The following AKT3 variants were observed in gnomAD, a reference collection of about 807,000 sequenced individuals.
AKT3 encodes the protein AKT serine/threonine kinase 3.
Under a neutral mutation model 65.3 loss-of-function variants are expected in AKT3, and 15 were observed. The observed-to-expected ratio is 0.23, with a 90% CI of 0.15 to 0.35. The LOEUF is 0.35. Among genes scored for constraint, AKT3 ranks in the 10% least tolerant of loss-of-function variants. The probability of loss-of-function intolerance (pLI) is 1.00; values close to 1 mark genes in which losing one functional copy is unlikely to be tolerated. For missense variants in AKT3, 243 were observed against 576.5 expected (o/e 0.42, Z 5.92); for synonymous variants, 206 against 183.8 (o/e 1.12, Z -0.98).
chr1:243,808,460 CGAGAA>C (rs1435065940), intron 2 of AKT3, among the ~76,000 whole-genome samples: 1 of 151,806 alleles, frequency 6.6e-6, no homozygotes, highest in South Asian at 2.1e-4. Flanking sequence ...TGAAATGAAG[CGAGAA>C]GAGAAGTTTA....
intron 2 of AKT3, among the ~76,000 whole-genome samples, chr1:243,788,190 G>A (rs556982560): frequency 1.3e-5 from 2 of 152,120 alleles, no homozygotes; most frequent in African/African-American, 4.8e-5. Context: ...TTGAAGGCAG[G>A]GAATATAGCT....
At chr1:243,839,870 A>G (rs1695134918) in intron 2 of AKT3, among the ~76,000 whole-genome samples, 1 of 151,602 alleles carries the variant, frequency 6.6e-6, no homozygotes, top group Admixed American at 6.6e-5. Context: ...CCATCTCAAA[A>G]AAAAAAAAAA....
chr1:243,741,906 ATTCC>A (rs781741300), intron 2 of AKT3: 2 of 152,170 alleles, frequency 1.3e-5, no homozygotes, highest in Admixed American at 6.5e-5. Context: ...CAATATTTTT[ATTCC>A]AATTAGACTA....
At chr1:243,586,050 A>C (rs1330314312) in intron 8 of AKT3, among the ~76,000 whole-genome samples, 1 of 152,202 alleles carries the variant, frequency 6.6e-6, no homozygotes, top group African/African-American at 2.4e-5. Context: ...CAAGTAACCC[A>C]ATAAAAAATG....
In AKT3 at chr1:243,762,653, T is replaced by C. The variant is rs76938173; in HGVS notation, c.47-66937A>G. Reference sequence around the variant, plus strand: ...TATGTGAATGGTTAAAACATTGACCTAAGCACATCTGGCAACACAATTTAT... The same window carrying C: ...TATGTGAATGGTTAAAACATTGACCCAAGCACATCTGGCAACACAATTTAT... On this transcript the variant is annotated intron_variant, in intron 2 of 13. Coordinates refer to ENST00000673466, the MANE Select transcript of AKT3 (RefSeq NM_005465.7). Among the ~76,000 whole-genome samples, 231 of 152,218 alleles carry C rather than the reference T, an allele frequency of 1.5e-3. 4 individuals carry two copies. In the East Asian group the frequency reaches 0.035, roughly 23 times the overall value.
intron 12 of AKT3, among the ~76,000 whole-genome samples, chr1:243,525,775 G>GAAAGAAAGAAAC (rs1202544542): frequency 3.9e-4 from 1 of 2,532 alleles, no homozygotes; most frequent in Non-Finnish European, 7.8e-4. Flanking sequence ...AAGTAAGAAA[G>GAAAGAAAGAAAC]AAAGAAAGAA....
chr1:243,831,393 A>C (rs1393223096), intron 2 of AKT3, among the ~76,000 whole-genome samples: 1 of 152,216 alleles, frequency 6.6e-6, no homozygotes, highest in African/African-American at 2.4e-5. Flanking sequence ...CTAATTTTGT[A>C]AGACCATGAT....
chr1:243,740,557 G>C (rs185556997), intron 2 of AKT3, among the ~76,000 whole-genome samples: 65 of 152,242 alleles, frequency 4.3e-4, no homozygotes, highest in African/African-American at 1.5e-3. Flanking sequence ...ACTACAAAAG[G>C]CTGATGCCTA....
intron 13 of AKT3, chr1:243,489,103 A>G (rs1367234572): frequency 1.2e-6 from 2 of 1,613,092 alleles, no homozygotes; most frequent in Non-Finnish European, 8.5e-7. Context: ...CTGGAGAGGC[A>G]GAGCCTGTCG....
intron 2 of AKT3, among the ~76,000 whole-genome samples, chr1:243,804,858 A>AC (rs1041186657): frequency 3.2e-4 from 48 of 151,910 alleles, no homozygotes; most frequent in African/African-American, 7.5e-4. Flanking sequence ...AAAAAAAAAA[A>AC]CAAACAAAAA....
chr1:243,566,344 C>G (rs760923260), intron 9 of AKT3, among the ~76,000 whole-genome samples: 2 of 152,106 alleles, frequency 1.3e-5, no homozygotes, highest in Non-Finnish European at 2.9e-5. Context: ...GTGACCAACT[C>G]CCAGTTTGCC....
chr1:243,711,423 T>C (rs781242729), intron 2 of AKT3, among the ~76,000 whole-genome samples: 4 of 152,218 alleles, frequency 2.6e-5, no homozygotes, highest in Non-Finnish European at 5.9e-5. Context: ...ACTGTTTTCT[T>C]TATATTTTCT....
intron 2 of AKT3, among the ~76,000 whole-genome samples, chr1:243,772,300 G>A (rs1475653479): frequency 6.6e-6 from 1 of 151,776 alleles, no homozygotes; most frequent in Admixed American, 6.6e-5. Context: ...TCTGACAAAG[G>A]GCTAATATCC....
At chr1:243,695,743 T>C in intron 2 of AKT3, 27 bp from the exon 3 acceptor site, 1 of 1,558,578 alleles carries the variant, frequency 6.4e-7, no homozygotes, top group African/African-American at 1.4e-5. Flanking sequence ...CGCATGTTAA[T>C]GCTGAAAAAA....
chr1:243,535,853 A>T (rs1164619686), intron 12 of AKT3, among the ~76,000 whole-genome samples: 3 of 152,178 alleles, frequency 2.0e-5, no homozygotes, highest in African/African-American at 7.2e-5. Flanking sequence ...GCATGTAAGC[A>T]TTCCCTTTTT....
chr1:243,603,448 C>A (rs1045099438), intron 8 of AKT3, among the ~76,000 whole-genome samples: 2 of 152,150 alleles, frequency 1.3e-5, no homozygotes, highest in Non-Finnish European at 2.9e-5. Flanking sequence ...TGCCCAGGAT[C>A]CTCCTTAGGC....
chr1:243,690,379 C>T (rs545342042), intron 3 of AKT3, among the ~76,000 whole-genome samples: 24 of 152,174 alleles, frequency 1.6e-4, no homozygotes, highest in African/African-American at 5.8e-4. Flanking sequence ...AAAATGCAGC[C>T]CTGAGACAAT....
chr1:243,717,337 T>C (rs976836734), intron 2 of AKT3, among the ~76,000 whole-genome samples: 1 of 152,200 alleles, frequency 6.6e-6, no homozygotes, highest in African/African-American at 2.4e-5. Context: ...TCAAGATTTT[T>C]AATTTTCAAG....
chr1:243,583,055 C>T (rs1413014734), intron 8 of AKT3, among the ~76,000 whole-genome samples: 3 of 149,866 alleles, frequency 2.0e-5, no homozygotes, highest in African/African-American at 7.3e-5. Flanking sequence ...CTCAATTCAA[C>T]AAGAAGACTT....
Sources: gnomAD v4.1 joint callset for allele counts (sites outside exome capture counted in the v4.1 genomes callset) on GRCh38, gnomAD v4.1.1 for gene constraint, MANE v1.5 for transcripts, NCBI Gene and HGNC (gene_info 2026-07-23, HGNC 2026-07-21) for gene names.